BTRC: variants seen among roughly 807,000 people sequenced by gnomAD.
The protein encoded by BTRC is F-box/WD repeat-containing protein 1A.
Under a neutral mutation model 85.5 loss-of-function variants are expected in BTRC, and 42 were observed. The ratio of observed to expected loss-of-function variants is 0.49; its 90% CI spans 0.38 to 0.64. The LOEUF (loss-of-function observed/expected upper bound fraction) is 0.64. Ranked by LOEUF, BTRC falls within the 30% of genes least tolerant of loss-of-function variation. The pLI, the probability that BTRC is intolerant of heterozygous loss-of-function variation, is 0.00. For synonymous variants in BTRC, 255 were observed against 263.3 expected (o/e 0.97, Z 0.30); for missense variants, 594 against 743.5 (o/e 0.80, Z 2.34).
intron 1 of BTRC, among the ~76,000 whole-genome samples, chr10:101,388,322 C>T (rs1197505624): frequency 1.4e-5 from 2 of 143,654 alleles, no homozygotes; most frequent in Non-Finnish European, 3.0e-5. Context: ...CACACCACAC[C>T]CAGCTAATTT....
chr10:101,488,935 A>G lies in BTRC; in HGVS notation c.324+9478A>G, dbSNP rs775903833. Among the ~76,000 whole-genome samples the G allele has an allele frequency of 6.6e-5, 10 of 152,088 alleles. No individual in the cohort carries two copies. In the East Asian group the frequency reaches 1.3e-3, roughly 20 times the overall value. On this transcript the variant is annotated intron_variant, in intron 4 of 14. Coordinates refer to ENST00000370187, the MANE Select transcript of BTRC (RefSeq NM_033637.4). ...AATATTTATAACTAATGTAGATTAT[A>G]TGTATCATAATAGGTATAACTCTCT...
chr10:101,509,448 G>T (rs1946636361), intron 4 of BTRC, among the ~76,000 whole-genome samples: 1 of 148,304 alleles, frequency 6.7e-6, no homozygotes, highest in African/African-American at 2.5e-5. Context: ...TAGAGACGGG[G>T]TTTCACCGTT....
intron 1 of BTRC, chr10:101,364,848 G>T (rs10786631): frequency 6.8e-6 from 1 of 146,354 alleles, no homozygotes; most frequent in Non-Finnish European, 1.5e-5. Context: ...TCCCCGGAGC[G>T]AGTGCACCGT....
At chr10:101,417,669 T>A (rs1943983578) in intron 1 of BTRC, among the ~76,000 whole-genome samples, 1 of 152,168 alleles carries the variant, frequency 6.6e-6, no homozygotes, top group Non-Finnish European at 1.5e-5. Context: ...ACTTACAGTT[T>A]ATATTTTGTT....
chr10:101,514,716 G>A (rs1325263839), intron 4 of BTRC, among the ~76,000 whole-genome samples: 26 of 152,092 alleles, frequency 1.7e-4, no homozygotes, highest in Admixed American at 1.7e-3. Context: ...GCCTCCCAAA[G>A]TGCTGGGATT....
chr10:101,503,695 T>C (rs1946448830), intron 4 of BTRC, among the ~76,000 whole-genome samples: 1 of 152,238 alleles, frequency 6.6e-6, no homozygotes, highest in South Asian at 2.1e-4. Context: ...TCTTGCTGCA[T>C]TTAACATGCA....
intron 13 of BTRC, among the ~76,000 whole-genome samples, chr10:101,549,454 C>G (rs568526897): frequency 2.6e-4 from 39 of 151,698 alleles, no homozygotes; most frequent in Admixed American, 3.9e-4. Flanking sequence ...GATGATGACA[C>G]CTGTAATCCC....
At chr10:101,439,937 A>G (rs1944637262) in intron 2 of BTRC, among the ~76,000 whole-genome samples, 1 of 152,272 alleles carries the variant, frequency 6.6e-6, no homozygotes, top group Non-Finnish European at 1.5e-5. Flanking sequence ...CAGGCCAATC[A>G]GAATTCACCC....
At chr10:101,409,928 A>AAGT (rs1311395989) in intron 1 of BTRC, among the ~76,000 whole-genome samples, 1 of 152,166 alleles carries the variant, frequency 6.6e-6, no homozygotes, top group African/African-American at 2.4e-5. Flanking sequence ...ATATACCTAG[A>AAGT]AGTAGGTATA....
chr10:101,476,707 G>A (rs1311738189), intron 3 of BTRC, among the ~76,000 whole-genome samples: 3 of 151,762 alleles, frequency 2.0e-5, no homozygotes, highest in African/African-American at 7.3e-5. Flanking sequence ...ACCTCCCAAA[G>A]TGCTGGGATT....
At chr10:101,402,875 A>G (rs1943525740) in intron 1 of BTRC, among the ~76,000 whole-genome samples, 3 of 152,216 alleles carry the variant, frequency 2.0e-5, no homozygotes, top group South Asian at 2.1e-4. Flanking sequence ...GGTTATAACA[A>G]TAGTGTGAGT....
chr10:101,437,707 A>G (rs1377589518), intron 2 of BTRC, among the ~76,000 whole-genome samples: 1 of 152,172 alleles, frequency 6.6e-6, no homozygotes, highest in Admixed American at 6.5e-5. Flanking sequence ...GAATTGAACA[A>G]AGTTTGAATT....
In BTRC at chr10:101,413,358, G is replaced by C. The variant is rs1943836252; in HGVS notation, c.49-16987G>C. Among the ~76,000 whole-genome samples the C allele has an allele frequency of 2.0e-5, 3 of 152,182 alleles. No individual in the cohort carries two copies. In the South Asian group the frequency reaches 6.2e-4, roughly 32 times the overall value. ...TGACAGAGTCTCGCTCTGTTGCCCA[G>C]GCTGGAGTGCAGTGGTGCAATCTCG... On this transcript the variant is annotated intron_variant, in intron 1 of 14. Transcript: ENST00000370187.
At chr10:101,499,799 T>G (rs1946357726) in intron 4 of BTRC, among the ~76,000 whole-genome samples, 1 of 151,604 alleles carries the variant, frequency 6.6e-6, no homozygotes, top group Non-Finnish European at 1.5e-5. Flanking sequence ...AAATTCTGCT[T>G]CTACCTTCCA....
chr10:101,460,526 A>C (rs143378158), intron 2 of BTRC, among the ~76,000 whole-genome samples: 1 of 152,314 alleles, frequency 6.6e-6, no homozygotes, highest in African/African-American at 2.4e-5. Context: ...AGGGATCATC[A>C]CAAATGTAAA....
At chr10:101,532,784 G>GTGTGTGTGTGTGTGTGTA (rs373538962) in intron 8 of BTRC, among the ~76,000 whole-genome samples, 168 bp from the exon 9 acceptor site, 6 of 145,868 alleles carry the variant, frequency 4.1e-5, no homozygotes, top group South Asian at 2.2e-4. Context: ...GTGTGTGTGT[G>GTGTGTGTGTGTGTGTGTA]TGTGTGCGCG....
chr10:101,427,258 T>C (rs2134070815), intron 1 of BTRC, among the ~76,000 whole-genome samples: 1 of 151,356 alleles, frequency 6.6e-6, no homozygotes, highest in South Asian at 2.1e-4. Flanking sequence ...GCTGGGACTA[T>C]AGGCGTGCAC....
Position 101,556,578 on chromosome 10 carries a change from ACCT to A in BTRC, c.*3459_*3461del, listed in dbSNP as rs963246623. On this transcript the variant is annotated 3_prime_UTR_variant, in exon 15 of 15. Coordinates refer to ENST00000370187, the MANE Select transcript of BTRC (RefSeq NM_033637.4). The stretch of plus-strand genomic sequence containing the variant: ...ACACAGTTGTTCACCAACAGACCAG[ACCT>A]CCTTTAACCACAGTGTCAACATAGT... 5.9e-5 allele frequency: 9 copies of A among 152,176 alleles called. No homozygotes were observed. Among genetic ancestry groups the A allele is most frequent in the Non-Finnish European group, 8.8e-5 (6 of 68,044 alleles). 9.4% of individuals were successfully genotyped at this position (152,176 alleles called of 1,614,324 possible).
intron 1 of BTRC, among the ~76,000 whole-genome samples, chr10:101,415,157 A>G (rs113062112): frequency 1.9e-4 from 29 of 151,338 alleles, no homozygotes; most frequent in African/African-American, 6.8e-4. Context: ...TAAGTGCCCT[A>G]TATAGGTGTA....
Sources: gnomAD v4.1 joint callset for allele counts (sites outside exome capture counted in the v4.1 genomes callset) on GRCh38, gnomAD v4.1.1 for gene constraint, MANE v1.5 for transcripts, NCBI Gene and HGNC (gene_info 2026-07-23, HGNC 2026-07-21) for gene names.